PCDHGA10: variants seen among roughly 807,000 people sequenced by gnomAD.
The protein encoded by PCDHGA10 is protocadherin gamma-A10.
Under a neutral mutation model 59.5 loss-of-function variants are expected in PCDHGA10, and 42 were observed. That is an observed-to-expected ratio of 0.71 (90% CI 0.55 to 0.91). The LOEUF (loss-of-function observed/expected upper bound fraction) is 0.91, where lower values mean the gene tolerates loss of function less well. Among genes scored for constraint, PCDHGA10 ranks in the 40% least tolerant of loss-of-function variants. The pLI is 0.00. For synonymous variants in PCDHGA10, 511 were observed against 517.2 expected (o/e 0.99, Z 0.16); for missense variants, 1,111 against 1,198.2 (o/e 0.93, Z 1.07).
At chr5:141,510,873 T>A in intron 3 of PCDHGA10, 74 bp from the exon 4 acceptor site, 1 of 1,609,964 alleles carries the variant, frequency 6.2e-7, no homozygotes, top group Non-Finnish European at 8.5e-7. Flanking sequence ...ATTCATTAAC[T>A]GCTGGGGATA....
intron 1 of PCDHGA10, among the ~76,000 whole-genome samples, chr5:141,460,612 T>C (rs1215147315): frequency 6.6e-6 from 1 of 152,128 alleles, no homozygotes; most frequent in African/African-American, 2.4e-5. Flanking sequence ...GTTAGATGGA[T>C]AGATAGACAG....
intron 1 of PCDHGA10, chr5:141,428,390 C>T (rs1043799152): frequency 8.0e-5 from 40 of 502,004 alleles, no homozygotes; most frequent in African/African-American, 6.6e-4. Context: ...TCTTCCAGCC[C>T]CTCTGCCTGG....
At chr5:141,430,244 A>G (rs903055705) in intron 1 of PCDHGA10, among the ~76,000 whole-genome samples, 1 of 105,606 alleles carries the variant, frequency 9.5e-6, no homozygotes, top group Non-Finnish European at 1.8e-5. Context: ...AGAAACTCCT[A>G]GGGAGACATC....
Position 141,414,242 on chromosome 5 carries a change from T to TA in PCDHGA10, c.1068dup (p.Phe357IlefsTer2). The TA allele has an allele frequency of 1.2e-6, 2 of 1,613,538 alleles. No homozygotes were observed. Among genetic ancestry groups the TA allele is most frequent in the Non-Finnish European group, 1.7e-6 (2 of 1,179,794 alleles). ...AGTCCAGAGCTGACCATCACGTCTC[T>TA]ATTTAGTCCAGTGACTGAAGATTCA... On this transcript the variant is annotated frameshift_variant, in exon 1 of 4. Transcript: ENST00000398610. LOFTEE classifies it high-confidence loss of function.
chr5:141,511,082 C>T lies in PCDHGA10; in HGVS notation c.2720C>T (p.Thr907Ile). Residue 907 changes from threonine to isoleucine, a missense_variant, in exon 4 of 4, where the codon ACA (threonine) becomes ATA (isoleucine). By Grantham distance (89) the Thr-to-Ile change is moderately conservative. Transcript: ENST00000398610. ...QNVYIPGSNA[T>I]LTNAAGKRDG... ...GTCTACATCCCAGGCAGCAATGCCA[C>T]ACTGACCAACGCAGCTGGCAAGCGG... 1 of 1,614,224 alleles carries T rather than the reference C, an allele frequency of 6.2e-7. No individual in the cohort carries two copies. Among genetic ancestry groups the T allele is most frequent in the Non-Finnish European group, 8.5e-7 (1 of 1,180,028 alleles).
rs776721321 is a variant in PCDHGA10, at chr5:141,431,084, C to A, written c.2436+15473C>A. ...CAAGTGTCAATTAAATCTAGACATT[C>A]TGATGGAGGATAAAGTGAAAATATA... is the stretch of plus-strand genomic sequence containing the variant. On this transcript the variant is annotated intron_variant, in intron 1 of 3. Coordinates refer to ENST00000398610, the MANE Select transcript of PCDHGA10 (RefSeq NM_018913.3). This position sits in a 1 kb window ranked among gnomAD's most constrained non-coding sequence, Gnocchi z 4.8. The A allele has an allele frequency of 1.2e-6, 2 of 1,614,060 alleles. No homozygotes were observed. Among genetic ancestry groups the A allele is most frequent in the Non-Finnish European group, 1.7e-6 (2 of 1,180,002 alleles).
Position 141,485,627 on chromosome 5 carries a change from T to C in PCDHGA10, c.2437-9180T>C. 3 of 1,612,072 alleles carry C rather than the reference T, an allele frequency of 1.9e-6. No individual in the cohort carries two copies. Among genetic ancestry groups the C allele is most frequent in the Non-Finnish European group, 2.5e-6 (3 of 1,178,530 alleles). On this transcript the variant is annotated intron_variant, in intron 1 of 3. Transcript: ENST00000398610. This position sits in a 1 kb window ranked among gnomAD's most constrained non-coding sequence, Gnocchi z 5.7. ...GGAGGCAGCTCCTCCAGGACAGCGT[T>C]TCCCGTTGGAAAAGGCTCAGGATGC...
chr5:141,455,492 T>G (rs958076901), intron 1 of PCDHGA10, among the ~76,000 whole-genome samples: 10 of 152,188 alleles, frequency 6.6e-5, no homozygotes, highest in Non-Finnish European at 1.2e-4. Context: ...GGAGGTGATG[T>G]CTGATTTGCA....
intron 1 of PCDHGA10, among the ~76,000 whole-genome samples, chr5:141,433,940 T>C (rs1315031506): frequency 6.6e-6 from 1 of 152,192 alleles, no homozygotes; most frequent in African/African-American, 2.4e-5. Flanking sequence ...TATAATTCCA[T>C]TGTTTCTTCT....
At chr5:141,469,610 AAAAT>A (rs1360697662) in intron 1 of PCDHGA10, among the ~76,000 whole-genome samples, 1 of 152,194 alleles carries the variant, frequency 6.6e-6, no homozygotes, top group Non-Finnish European at 1.5e-5. Context: ...TAAGTAAAAT[AAAAT>A]AAATGTTTGT....
At chr5:141,443,844 G>T (rs976057583) in intron 1 of PCDHGA10, among the ~76,000 whole-genome samples, 1 of 152,130 alleles carries the variant, frequency 6.6e-6, no homozygotes, top group African/African-American at 2.4e-5. Flanking sequence ...GGGTAATATG[G>T]AAAGTCTGAA....
chr5:141,480,712 A>G (rs559266864), intron 1 of PCDHGA10, among the ~76,000 whole-genome samples: 13 of 152,306 alleles, frequency 8.5e-5, no homozygotes, highest in African/African-American at 2.9e-4. Context: ...CCGACAAATG[A>G]AAGCACAGTC....
rs765535731 is a variant in PCDHGA10, at chr5:141,427,976, G to T, written c.2436+12365G>T. On this transcript the variant is annotated intron_variant, in intron 1 of 3. Transcript: ENST00000398610. ...ATGTGCCGCGGGTGCTGTACCCCGC[G>T]CTGGGGCCCGATGGCTCCGCACTCT... 1.1e-5 allele frequency: 17 copies of T among 1,594,884 alleles called. No individual in the cohort carries two copies. The East Asian group carries it at 1.6e-4, about 15-fold the overall frequency.
At position 141,414,854 on chromosome 5, in the gene PCDHGA10, A is replaced by C. The variant is rs1191943867; in HGVS notation, c.1679A>C (p.Asn560Thr). ...TTGAGCCTGTTTGTGCTGGACCAGA[A>C]CGACAATGCGCCCGAGATCCTGTAC... ...VSLSLFVLDQ[N>T]DNAPEILYPA... The change falls in exon 1 of 4, where the codon AAC becomes ACC. Residue 560 changes from asparagine to threonine, a missense_variant. Coordinates refer to ENST00000398610, the MANE Select transcript of PCDHGA10 (RefSeq NM_018913.3). The C allele has an allele frequency of 1.9e-6, 3 of 1,614,230 alleles. No homozygotes were observed. The highest frequency in any genetic ancestry group is 2.5e-6 in the Non-Finnish European group (3 of 1,180,038).
chr5:141,421,130 A>G, intron 1 of PCDHGA10: 1 of 827,800 alleles, frequency 1.2e-6, no homozygotes, highest in South Asian at 1.8e-5. Context: ...GCTTTCTGAT[A>G]TATTTTGGAT....
chr5:141,479,277 TC>T (rs2099491823), intron 1 of PCDHGA10: 1 of 152,362 alleles, frequency 6.6e-6, no homozygotes, highest in African/African-American at 2.4e-5. Flanking sequence ...ATAATTTATT[TC>T]AAAAATAAAT....
At chr5:141,420,164 A>G (rs2096471602) in intron 1 of PCDHGA10, 1 of 1,614,040 alleles carries the variant, frequency 6.2e-7, no homozygotes, top group Non-Finnish European at 8.5e-7. Context: ...TAATTTTTTC[A>G]CATCTGTTGA....
chr5:141,449,569 A>G (rs1340921687), intron 1 of PCDHGA10, among the ~76,000 whole-genome samples: 2 of 148,390 alleles, frequency 1.3e-5, no homozygotes, highest in East Asian at 3.9e-4. Flanking sequence ...AGCCTGGGCG[A>G]CAGAGCAAGA....
chr5:141,500,187 TATTTA>T (rs1467273493), intron 2 of PCDHGA10, among the ~76,000 whole-genome samples: 2 of 110,668 alleles, frequency 1.8e-5, no homozygotes, highest in Non-Finnish European at 3.6e-5. Flanking sequence ...TTTTTATTTT[TATTTA>T]TTTATTTATT....
Sources: allele counts gnomAD v4.1 joint callset (sites outside exome capture counted in the v4.1 genomes callset), GRCh38; gene constraint gnomAD v4.1.1; non-coding constraint Gnocchi (gnomAD v3.1); transcripts MANE v1.5; gene names NCBI Gene and HGNC (gene_info 2026-07-23, HGNC 2026-07-21).